KL: variants seen among roughly 807,000 people sequenced by gnomAD.
KL encodes klotho, also known as alpha-klotho.
Under a neutral mutation model 84.2 loss-of-function variants are expected in KL, and 62 were observed. That is an observed-to-expected ratio of 0.74 (90% CI 0.60 to 0.91). The LOEUF is 0.91. Ranked by LOEUF, KL falls within the 40% of genes least tolerant of loss-of-function variation. The pLI is 0.00. For missense variants in KL, 1,261 were observed against 1,305.7 expected (o/e 0.97, Z 0.53); for synonymous variants, 528 against 528.0 (o/e 1.00, Z 0.00).
intron 1 of KL, among the ~76,000 whole-genome samples, chr13:33,033,144 T>A (rs1054707204): frequency 6.6e-6 from 1 of 152,196 alleles, no homozygotes; most frequent in African/African-American, 2.4e-5. Flanking sequence ...GATCTCTCTT[T>A]TTTCTTCCTT....
At chr13:33,022,783 C>A (rs1162628243) in intron 1 of KL, among the ~76,000 whole-genome samples, 1 of 152,174 alleles carries the variant, frequency 6.6e-6, no homozygotes. Context: ...TAGTGCTTAT[C>A]TCAGTGCTTG....
intron 1 of KL, among the ~76,000 whole-genome samples, chr13:33,029,996 G>A (rs916654067): frequency 1.3e-5 from 2 of 151,802 alleles, no homozygotes; most frequent in East Asian, 1.9e-4. Context: ...AAGTCCAAGG[G>A]CAAGTCTCTG....
chr13:33,033,724 C>A (rs533510254), intron 1 of KL, among the ~76,000 whole-genome samples: 1 of 152,090 alleles, frequency 6.6e-6, no homozygotes, highest in East Asian at 2.0e-4. Context: ...CTACTTCCAG[C>A]AACCCACTTT....
intron 1 of KL, among the ~76,000 whole-genome samples, chr13:33,044,653 T>C (rs1241414517): frequency 1.0e-5 from 1 of 98,692 alleles, no homozygotes; most frequent in African/African-American, 4.3e-5. Flanking sequence ...TTTTTTTTTT[T>C]TTTTTTTTTT....
chr13:33,040,942 T>C (rs1871317152), intron 1 of KL, among the ~76,000 whole-genome samples: 1 of 152,226 alleles, frequency 6.6e-6, no homozygotes, highest in Non-Finnish European at 1.5e-5. Flanking sequence ...CTACAGATTC[T>C]GCCTTCAATA....
chr13:33,056,892 G>C (rs9527032), intron 3 of KL, among the ~76,000 whole-genome samples: 24,049 of 152,014 alleles, frequency 0.16, 2,003 homozygotes, highest in African/African-American at 0.19. Context: ...CTCCTGCTCG[G>C]TGTGCAATTT....
Position 33,016,493 on chromosome 13 carries a change from CGCT to C in KL, c.61_63del (p.Leu21del), listed in dbSNP as rs1402224286. ...CCGCGGCCGCCGCCGCCGTCGCTGTCGCTGCTGCTGGTGCTGCTGGGCCTGGGC... is the reference window on the plus strand; with the variant it reads ...CCGCGGCCGCCGCCGCCGTCGCTGTCGCTGCTGGTGCTGCTGGGCCTGGGC... On this transcript the variant is annotated inframe_deletion, in exon 1 of 5. Transcript: ENST00000380099. 1 of 1,204,142 alleles carries C rather than the reference CGCT, an allele frequency of 8.3e-7. No individual in the cohort carries two copies. The highest frequency in any genetic ancestry group is 1.0e-6 in the Non-Finnish European group (1 of 971,066). The allele number at this position is 1,204,142 out of a possible 1,614,324, so 74.6% of individuals were successfully genotyped here. A position where few individuals can be genotyped will look rare whatever the true frequency, so the allele number is the denominator to read the frequency against.
intron 1 of KL, among the ~76,000 whole-genome samples, chr13:33,052,259 T>C (rs1473753576): frequency 2.0e-5 from 3 of 152,182 alleles, no homozygotes; most frequent in Non-Finnish European, 4.4e-5. Flanking sequence ...TGAGCCATCA[T>C]GCCCAGCCTC....
At chr13:33,037,925 A>G (rs969102822) in intron 1 of KL, among the ~76,000 whole-genome samples, 2 of 152,152 alleles carry the variant, frequency 1.3e-5, no homozygotes, top group African/African-American at 4.8e-5. Flanking sequence ...GCAATGTGTA[A>G]CTAATGCACC....
At chr13:33,062,396 A>G (rs550713686) in intron 4 of KL, among the ~76,000 whole-genome samples, 5 of 149,642 alleles carry the variant, frequency 3.3e-5, no homozygotes, top group Non-Finnish European at 7.4e-5. Context: ...AAAAAGACCA[A>G]GCATGGTGGC....
Position 33,017,205 on chromosome 13 carries a change from C to G in KL, c.765C>G (p.Pro255=). The change falls in exon 1 of 5, where the codon CCC becomes CCG. Residue 255 remains proline (P), a synonymous_variant. Coordinates refer to ENST00000380099, the MANE Select transcript of KL (RefSeq NM_004795.4). ...GCTACGCCACCGGGCGCCTGGCCCC[C>G]GGCATCCGGGGCAGCCCGCGGCTCG... is the stretch of plus-strand genomic sequence containing the variant. ...WHGYATGRLA[P]GIRGSPRLGY... 6.3e-7 allele frequency: 1 copy of G among 1,596,046 alleles called. No homozygotes were observed. The highest frequency in any genetic ancestry group is 1.1e-5 in the South Asian group (1 of 90,588).
rs200063460 is a variant in KL at position 33,017,035 on chromosome 13, C to A, written c.595C>A (p.Arg199Ser). Reference protein sequence around the residue: ...VTLYHWDLPQRLQDAYGGWAN... With the variant: ...VTLYHWDLPQSLQDAYGGWAN... Reference sequence around the variant, plus strand: ...CCTGTACCACTGGGACCTGCCCCAGCGCCTGCAGGACGCCTACGGCGGCTG... The same window carrying A: ...CCTGTACCACTGGGACCTGCCCCAGAGCCTGCAGGACGCCTACGGCGGCTG... Residue 199 changes from arginine to serine, a missense_variant, in exon 1 of 5, where the codon CGC becomes AGC. Coordinates refer to ENST00000380099, the MANE Select transcript of KL (RefSeq NM_004795.4). The A allele has an allele frequency of 8.1e-6, 13 of 1,600,162 alleles. No individual in the cohort carries two copies. The East Asian group carries it at 1.8e-4, about 22-fold the overall frequency.
At chr13:33,025,816 T>G (rs1299674666) in intron 1 of KL, among the ~76,000 whole-genome samples, 1 of 137,636 alleles carries the variant, frequency 7.3e-6, no homozygotes, top group Non-Finnish European at 1.5e-5. Flanking sequence ...CCTCTCAGGT[T>G]TTTTCCCCCC....
intron 1 of KL, among the ~76,000 whole-genome samples, chr13:33,029,556 T>C (rs1456926105): frequency 3.3e-5 from 5 of 152,232 alleles, no homozygotes; most frequent in Non-Finnish European, 7.3e-5. Flanking sequence ...GAGATGACTA[T>C]TGTGTTCTCA....
intron 1 of KL, among the ~76,000 whole-genome samples, chr13:33,026,314 C>T (rs1870774489): frequency 6.6e-6 from 1 of 152,174 alleles, no homozygotes; most frequent in South Asian, 2.1e-4. Flanking sequence ...TAGTTCAATT[C>T]TCCAAATTGG....
intron 2 of KL, among the ~76,000 whole-genome samples, chr13:33,054,558 A>G (rs1344932716): frequency 1.3e-5 from 2 of 152,390 alleles, no homozygotes; most frequent in South Asian, 2.1e-4. Context: ...TAAATTGAAC[A>G]TAAAACAAAT....
Position 33,016,942 on chromosome 13 carries a change from G to A in KL, c.502G>A (p.Glu168Lys), listed in dbSNP as rs1386970501. ...TGGCAGCGCGGGCGTCCCCAACCGCGAGGGGCTGCGCTACTACCGGCGCCT... is the reference window on the plus strand; with the variant it reads ...TGGCAGCGCGGGCGTCCCCAACCGCAAGGGGCTGCGCTACTACCGGCGCCT... ...PNGSAGVPNR[E>K]GLRYYRRLLE... Residue 168 changes from glutamate (E) to lysine (K), a missense_variant, in exon 1 of 5, where the codon GAG (glutamate) becomes AAG (lysine). Coordinates refer to ENST00000380099, the MANE Select transcript of KL (RefSeq NM_004795.4). 1 of 1,607,454 alleles carries A rather than the reference G, an allele frequency of 6.2e-7. No individual in the cohort carries two copies. Among genetic ancestry groups the A allele is most frequent in the Non-Finnish European group, 8.5e-7 (1 of 1,178,398 alleles).
intron 1 of KL, among the ~76,000 whole-genome samples, chr13:33,051,593 T>C (rs1266458415): frequency 4.6e-5 from 7 of 152,164 alleles, no homozygotes; most frequent in Admixed American, 4.6e-4. Flanking sequence ...AGAGACCATA[T>C]ATGTCTTTCC....
chr13:33,021,851 T>A (rs211238), intron 1 of KL, among the ~76,000 whole-genome samples: 48,118 of 152,136 alleles, frequency 0.32, 8,799 homozygotes, highest in Admixed American at 0.44. Context: ...ACCATTGCAC[T>A]CCATCCTGAG....
Sources: gnomAD v4.1 joint callset for allele counts (sites outside exome capture counted in the v4.1 genomes callset) on GRCh38, gnomAD v4.1.1 for gene constraint, MANE v1.5 for transcripts, NCBI Gene and HGNC (gene_info 2026-07-23, HGNC 2026-07-21) for gene names.